TMEM182: variants seen among roughly 807,000 people sequenced by gnomAD.
TMEM182 encodes the protein transmembrane protein 182.
TMEM182 carries 20 observed loss-of-function variants against 26.8 expected under a neutral mutation model. That is an observed-to-expected ratio of 0.75 (90% CI 0.53 to 1.09). The LOEUF (loss-of-function observed/expected upper bound fraction) is 1.09. TMEM182 is among the 50% of genes least tolerant of loss of function. The probability of loss-of-function intolerance (pLI) is 0.00; values close to 1 mark genes in which losing one functional copy is unlikely to be tolerated. For missense variants in TMEM182, 277 were observed against 275.5 expected (o/e 1.01, Z -0.04); for synonymous variants, 109 against 102.2 (o/e 1.07, Z -0.40).
rs375897394 is a variant in TMEM182, at chr2:102,789,113, G to T, written c.332-8750G>T. Among the ~76,000 whole-genome samples, 3 of 152,320 alleles carry T rather than the reference G, an allele frequency of 2.0e-5. No homozygotes were observed. The East Asian group carries it at 5.8e-4, about 29-fold the overall frequency. ...TCATTTGCTGCGAGGGAGGTGGGGG[G>T]TAGTGGCGTGTTTTGTTTTGGCTTC... On this transcript the variant is annotated intron_variant, in intron 3 of 4. Transcript: ENST00000412401.
chr2:102,801,798 T>C (rs565571672), intron 4 of TMEM182, among the ~76,000 whole-genome samples: 3 of 152,238 alleles, frequency 2.0e-5, no homozygotes, highest in Non-Finnish European at 4.4e-5. Context: ...TTTACAAGGC[T>C]TTTCCTGGGT....
chr2:102,819,889 C>G (rs1405730451), downstream of TMEM182, among the ~76,000 whole-genome samples: 1 of 152,120 alleles, frequency 6.6e-6, no homozygotes, highest in Non-Finnish European at 1.5e-5. Context: ...TCCTTGGATC[C>G]AGAGCATATG....
intron 3 of TMEM182, 125 bp downstream of exon 3, chr2:102,764,552 ATC>A (rs1180449628): frequency 9.4e-6 from 6 of 638,436 alleles, no homozygotes; most frequent in African/African-American, 9.3e-5. Context: ...TATTTTTGAT[ATC>A]TGTTAGATTA....
At chr2:102,837,876 C>T (rs186368161) in intron 3 of TMEM182, among the ~76,000 whole-genome samples, 1 of 152,248 alleles carries the variant, frequency 6.6e-6, no homozygotes, top group East Asian at 1.9e-4. Flanking sequence ...TCTGAGGGTT[C>T]CTCACCCTTA....
chr2:102,736,978 T>C (rs1253264226), exon 1 of TMEM182: 3 of 716,240 alleles, frequency 4.2e-6, no homozygotes, highest in East Asian at 5.8e-5. Context: ...AGTTCTGGTC[T>C]CAGGCAAGGT....
At chr2:102,837,347 G>T (rs1683265226) in intron 3 of TMEM182, among the ~76,000 whole-genome samples, 1 of 152,138 alleles carries the variant, frequency 6.6e-6, no homozygotes, top group Admixed American at 6.5e-5. Context: ...ACTTAAACTA[G>T]AGAGAAGAAA....
At position 102,764,344 on chromosome 2, in the gene TMEM182, C is replaced by T; in HGVS notation, c.248C>T (p.Ser83Phe). The change falls in exon 3 of 5, where the codon TCC becomes TTC. Residue 83 changes from serine to phenylalanine, a missense_variant. By Grantham distance (155) the Ser-to-Phe change is radical. Transcript: ENST00000412401. ...WKFWYTNQPPSKNCTHAYLSP... is the reference protein window; with the variant it reads ...WKFWYTNQPPFKNCTHAYLSP... Reference sequence around the variant, plus strand: ...TTCTTCCTAGCCAATCAGCCACCGTCCAAGAACTGCACACATGCTTACCTG... The same window carrying T: ...TTCTTCCTAGCCAATCAGCCACCGTTCAAGAACTGCACACATGCTTACCTG... The T allele has an allele frequency of 6.2e-7, 1 of 1,613,810 alleles. No individual in the cohort carries two copies. The highest frequency in any genetic ancestry group is 2.2e-5 in the East Asian group (1 of 44,870).
At chr2:102,838,484 TCTTCAGAGGGCTCCAGGATGGAAGGAC>T (rs1476737943) in intron 3 of TMEM182, among the ~76,000 whole-genome samples, 1 of 152,186 alleles carries the variant, frequency 6.6e-6, no homozygotes, top group East Asian at 1.9e-4. Flanking sequence ...CAGGGAAGGC[TCTTCAGAGGGCTCCAGGATGGAAGGAC>T]CTAGGCACTG....
chr2:102,838,806 G>A (rs143154580), intron 3 of TMEM182, among the ~76,000 whole-genome samples: 143 of 152,312 alleles, frequency 9.4e-4, no homozygotes, highest in African/African-American at 3.4e-3. Flanking sequence ...TGTTTAGGCA[G>A]AGAGACCATG....
At chr2:102,831,119 A>G (rs1357395962) in intron 3 of TMEM182, among the ~76,000 whole-genome samples, 1 of 152,168 alleles carries the variant, frequency 6.6e-6, no homozygotes. Flanking sequence ...ATGGACACTT[A>G]GGTTGCTTCT....
chr2:102,821,396 C>G (rs1273443860), downstream of TMEM182, among the ~76,000 whole-genome samples: 2 of 152,078 alleles, frequency 1.3e-5, no homozygotes, highest in Non-Finnish European at 1.5e-5. Context: ...TGAGTGAGTT[C>G]TCACGAGTTG....
intron 1 of TMEM182, among the ~76,000 whole-genome samples, chr2:102,747,874 G>T (rs370787524): frequency 3.9e-4 from 60 of 152,330 alleles, no homozygotes; most frequent in African/African-American, 1.4e-3. Flanking sequence ...AAATGCATTT[G>T]TCAGAACAGG....
chr2:102,754,070 G>C (rs1679963558), intron 1 of TMEM182, among the ~76,000 whole-genome samples: 1 of 152,170 alleles, frequency 6.6e-6, no homozygotes, highest in South Asian at 2.1e-4. Context: ...TAGAATCACA[G>C]AGACATGCGG....
intron 4 of TMEM182, among the ~76,000 whole-genome samples, chr2:102,806,032 A>G (rs149402922): frequency 1.3e-4 from 20 of 152,250 alleles, no homozygotes; most frequent in African/African-American, 4.8e-4. Context: ...ACTATCTACT[A>G]TTTACTCAGT....
chr2:102,818,770 C>CTATT (rs1682838884), downstream of TMEM182, among the ~76,000 whole-genome samples: 1 of 124,680 alleles, frequency 8.0e-6, no homozygotes, highest in East Asian at 2.3e-4. Context: ...ATCTATCTAT[C>CTATT]TATCTATCTA....
chr2:102,784,469 A>G (rs759027616), intron 3 of TMEM182, among the ~76,000 whole-genome samples: 2 of 152,194 alleles, frequency 1.3e-5, no homozygotes, highest in Non-Finnish European at 2.9e-5. Flanking sequence ...GTGGACAAAC[A>G]GCCAATGTTA....
chr2:102,825,464 T>C lies in TMEM182; in HGVS notation c.326-17948T>C, dbSNP rs561284741. ...TGTCTTTAAATATTTCCAGTATTAT[T>C]GAGACTCTTTGAATCATAGCCAAGC... is the stretch of plus-strand genomic sequence containing the variant. On this transcript the variant is annotated intron_variant, in intron 3 of 3. Transcript: ENST00000486293. 3.8e-3 allele frequency among the ~76,000 whole-genome samples: 584 copies of C among 152,340 alleles called. 1 individual carries two copies. The highest frequency in any genetic ancestry group is 6.2e-3 in the Non-Finnish European group (420 of 68,028).
In TMEM182 at chr2:102,762,297, C is replaced by A. The variant is rs767689957; in HGVS notation, c.80C>A (p.Ser27Ter). Reference protein sequence around the residue: ...GVLLFLVAFGSDYWLLATEVG... With the variant: ...GVLLFLVAFG Reference sequence around the variant, plus strand: ...TTACTCTTTTTGGTGGCTTTTGGATCGGATTATTGGCTTCTTGCAACTGAA... The same window carrying A: ...TTACTCTTTTTGGTGGCTTTTGGATAGGATTATTGGCTTCTTGCAACTGAA... The change falls in exon 1 of 5, where the codon TCG becomes TAG. Residue 27 changes from serine to a stop codon, truncating the protein, a stop_gained. Coordinates refer to ENST00000412401, the MANE Select transcript of TMEM182 (RefSeq NM_144632.5). LOFTEE classifies it high-confidence loss of function. The A allele has an allele frequency of 5.0e-6, 8 of 1,613,738 alleles. No homozygotes were observed. The highest frequency in any genetic ancestry group is 5.9e-6 in the Non-Finnish European group (7 of 1,179,894).
chr2:102,805,907 A>C (rs1394830324), intron 4 of TMEM182, among the ~76,000 whole-genome samples: 1 of 152,092 alleles, frequency 6.6e-6, no homozygotes, highest in African/African-American at 2.4e-5. Flanking sequence ...CCTGTCTCTA[A>C]AAAAACAAAA....
Sources: allele counts gnomAD v4.1 joint callset (sites outside exome capture counted in the v4.1 genomes callset), GRCh38; gene constraint gnomAD v4.1.1; transcripts MANE v1.5; gene names NCBI Gene and HGNC (gene_info 2026-07-23, HGNC 2026-07-21).